Variants in HECW1 observed in about 807,000 individuals in gnomAD.
HECW1 encodes E3 ubiquitin-protein ligase HECW1.
A neutral mutation model predicts 182.3 loss-of-function variants in HECW1; 61 were observed. The ratio of observed to expected loss-of-function variants is 0.33; its 90% CI spans 0.27 to 0.41. HECW1 has a LOEUF of 0.41. Among genes scored for constraint, HECW1 ranks in the 10% least tolerant of loss-of-function variants. HECW1 has a pLI of 1.00. For missense variants in HECW1, 1,739 were observed against 2,108.9 expected (o/e 0.82, Z 3.44); for synonymous variants, 859 against 832.6 (o/e 1.03, Z -0.55).
intron 3 of HECW1, among the ~76,000 whole-genome samples, chr7:43,301,453 C>A (rs1456331099): frequency 6.6e-6 from 1 of 152,180 alleles, no homozygotes; most frequent in Non-Finnish European, 1.5e-5. Flanking sequence ...TAAATGTCTG[C>A]CTCCTGCACC....
At chr7:43,443,268 A>C (rs2076947691) in intron 10 of HECW1, among the ~76,000 whole-genome samples, 1 of 152,188 alleles carries the variant, frequency 6.6e-6, no homozygotes, top group Non-Finnish European at 1.5e-5. Context: ...GACCATTTAC[A>C]AGTTGCTGTT....
chr7:43,130,237 A>G (rs762882356), intron 2 of HECW1, among the ~76,000 whole-genome samples: 1 of 152,184 alleles, frequency 6.6e-6, no homozygotes, highest in Admixed American at 6.5e-5. Flanking sequence ...TCCCTTACCA[A>G]AATGCTTGGG....
intron 24 of HECW1, among the ~76,000 whole-genome samples, chr7:43,520,470 C>T (rs532762945): frequency 4.4e-4 from 67 of 152,218 alleles, no homozygotes; most frequent in African/African-American, 1.5e-3. Context: ...CATATGTGCG[C>T]GATTGTTTCT....
intron 6 of HECW1, among the ~76,000 whole-genome samples, chr7:43,392,890 T>C (rs547205093): frequency 5.3e-5 from 8 of 152,260 alleles, no homozygotes; most frequent in Middle Eastern, 3.4e-3. Flanking sequence ...TTCACACTCT[T>C]TTGCTGAATT....
At chr7:43,121,298 C>T (rs1438573951) in intron 2 of HECW1, among the ~76,000 whole-genome samples, 1 of 152,104 alleles carries the variant, frequency 6.6e-6, no homozygotes, top group Admixed American at 6.5e-5. Context: ...TCTTTGCTTC[C>T]TCTGGGCCAC....
chr7:43,387,251 G>A (rs1280642017), intron 6 of HECW1, among the ~76,000 whole-genome samples: 2 of 151,800 alleles, frequency 1.3e-5, no homozygotes, highest in Non-Finnish European at 2.9e-5. Flanking sequence ...TGAATGGATC[G>A]AGGTTATGGA....
At chr7:43,363,948 T>C (rs527354277) in intron 6 of HECW1, among the ~76,000 whole-genome samples, 1 of 152,328 alleles carries the variant, frequency 6.6e-6, no homozygotes, top group Admixed American at 6.5e-5. Context: ...GCCTTTGCAG[T>C]CTCGTCTGGG....
At chr7:43,173,460 A>G (rs1020790726) in intron 2 of HECW1, among the ~76,000 whole-genome samples, 5 of 152,128 alleles carry the variant, frequency 3.3e-5, no homozygotes, top group African/African-American at 1.2e-4. Flanking sequence ...GCAGTCCCCA[A>G]TATTTTGGGC....
At chr7:43,135,106 A>G (rs961094896) in intron 2 of HECW1, among the ~76,000 whole-genome samples, 1 of 152,146 alleles carries the variant, frequency 6.6e-6, no homozygotes, top group African/African-American at 2.4e-5. Context: ...GCTGTTATCT[A>G]TCTACCAATA....
chr7:43,459,840 T>G (rs2077522913), intron 13 of HECW1, among the ~76,000 whole-genome samples: 1 of 152,156 alleles, frequency 6.6e-6, no homozygotes, highest in South Asian at 2.1e-4. Flanking sequence ...GCCCAGCCAA[T>G]TTAGCTTTTT....
intron 12 of HECW1, among the ~76,000 whole-genome samples, chr7:43,453,152 A>G (rs1290664001): frequency 6.6e-6 from 1 of 152,214 alleles, no homozygotes; most frequent in Non-Finnish European, 1.5e-5. Context: ...AAGTTTGCCC[A>G]AGTTGCTGTG....
rs2082277083 is a variant in HECW1, at chr7:43,564,117, ATTG to A, written c.*2194_*2196del. The A allele has an allele frequency of 5.3e-6, 1 of 190,016 alleles. No homozygotes were observed. The highest frequency in any genetic ancestry group is 6.2e-5 in the Admixed American group (1 of 16,212). The allele number at this position is 190,016 out of a possible 1,614,324, so 11.8% of individuals were successfully genotyped here. On this transcript the variant is annotated 3_prime_UTR_variant, in exon 30 of 30. Coordinates refer to ENST00000395891, the MANE Select transcript of HECW1 (RefSeq NM_015052.5). ...AAAAATAATGGATTCCAATGGAGCTATTGTTTTATTTATGAAATCAGAGCATAA... is the reference window on the plus strand; with the variant it reads ...AAAAATAATGGATTCCAATGGAGCTATTTTATTTATGAAATCAGAGCATAA...
Position 43,377,043 on chromosome 7 carries a change from G to C in HECW1, c.555+16063G>C, listed in dbSNP as rs1024815141. Among the ~76,000 whole-genome samples, 12 of 152,108 alleles carry C rather than the reference G, an allele frequency of 7.9e-5. No individual in the cohort carries two copies. In the East Asian group the frequency reaches 1.5e-3, roughly 20 times the overall value. ...ATCTCACAGAGCCAACATGAGTAAA[G>C]TTAGTCTGACTTGTAAGCAGGTGAA... On this transcript the variant is annotated intron_variant, in intron 6 of 29. Coordinates refer to ENST00000395891, the MANE Select transcript of HECW1 (RefSeq NM_015052.5).
At chr7:43,496,977 C>T (rs1485463655) in intron 19 of HECW1, among the ~76,000 whole-genome samples, 1 of 152,104 alleles carries the variant, frequency 6.6e-6, no homozygotes, top group African/African-American at 2.4e-5. Context: ...AATTTACAAT[C>T]TACTGAGGGA....
Position 43,454,346 on chromosome 7 carries a change from GA to G in HECW1, c.2501-1950del, listed in dbSNP as rs1363231843. On this transcript the variant is annotated intron_variant, in intron 12 of 29. Coordinates refer to ENST00000395891, the MANE Select transcript of HECW1 (RefSeq NM_015052.5). ...TTTTTGTTGGATGACAGTCATGTTG[GA>G]TTCAAGAAAAATAGTTGTCCTACTG... Among the ~76,000 whole-genome samples the G allele has an allele frequency of 3.3e-5, 5 of 152,110 alleles. No individual in the cohort carries two copies. The East Asian group carries it at 7.7e-4, about 23-fold the overall frequency.
chr7:43,160,227 A>G (rs1229026832), intron 2 of HECW1, among the ~76,000 whole-genome samples: 1 of 152,226 alleles, frequency 6.6e-6, no homozygotes, highest in Non-Finnish European at 1.5e-5. Flanking sequence ...CTTTATATGT[A>G]AAGAATTGCC....
chr7:43,398,940 T>C (rs942921447), intron 7 of HECW1, among the ~76,000 whole-genome samples: 1 of 152,220 alleles, frequency 6.6e-6, no homozygotes, highest in Non-Finnish European at 1.5e-5. Flanking sequence ...CAAGATCAGA[T>C]GAGCCAGTTT....
rs5883870 is a variant in HECW1, at chr7:43,524,007, T to TAAA, written c.4019+14893_4019+14895dup. ...GACCTTCAGACTATGTTTTTCATCT[T>TAAA]AAAAAAAAAGATGAGGGACTTGGAA... is the stretch of plus-strand genomic sequence containing the variant. On this transcript the variant is annotated intron_variant, in intron 24 of 29. Coordinates refer to ENST00000395891, the MANE Select transcript of HECW1 (RefSeq NM_015052.5). Among the ~76,000 whole-genome samples the TAAA allele has an allele frequency of 1.3e-3, 201 of 151,322 alleles. 1 individual carries two copies. The highest frequency in any genetic ancestry group is 4.6e-3 in the African/African-American group (190 of 41,308).
At chr7:43,213,667 G>A (rs1421799399) in intron 2 of HECW1, among the ~76,000 whole-genome samples, 1 of 151,668 alleles carries the variant, frequency 6.6e-6, no homozygotes, top group Non-Finnish European at 1.5e-5. Context: ...GGATGGTCTC[G>A]ATCTCCTGAC....
Sources: allele counts gnomAD v4.1 joint callset (sites outside exome capture counted in the v4.1 genomes callset), GRCh38; gene constraint gnomAD v4.1.1; transcripts MANE v1.5; gene names NCBI Gene and HGNC (gene_info 2026-07-23, HGNC 2026-07-21).